The following FIGN variants were observed in gnomAD, a reference collection of about 807,000 sequenced individuals.
The protein encoded by FIGN is fidgetin, microtubule severing factor.
FIGN carries 11 observed loss-of-function variants against 51.3 expected under a neutral mutation model. That is an observed-to-expected ratio of 0.21 (90% CI 0.13 to 0.35). The LOEUF (loss-of-function observed/expected upper bound fraction) is 0.35, where lower values mean the gene tolerates loss of function less well. Ranked by LOEUF, FIGN falls within the 10% of genes least tolerant of loss-of-function variation. The probability of loss-of-function intolerance (pLI) is 1.00; values close to 1 mark genes in which losing one functional copy is unlikely to be tolerated. For missense variants in FIGN, 857 were observed against 943.6 expected (o/e 0.91, Z 1.20); for synonymous variants, 407 against 363.2 (o/e 1.12, Z -1.37).
At chr2:163,695,066 C>T (rs866322743) in intron 2 of FIGN, among the ~76,000 whole-genome samples, 1 of 138,302 alleles carries the variant, frequency 7.2e-6, no homozygotes, top group Non-Finnish European at 1.6e-5. Context: ...GTTTTGAGCT[C>T]GGTGTCTCTG....
intron 2 of FIGN, among the ~76,000 whole-genome samples, chr2:163,660,632 C>T (rs1294871812): frequency 2.1e-5 from 3 of 144,438 alleles, no homozygotes; most frequent in Non-Finnish European, 4.5e-5. Context: ...GTTAACAGCC[C>T]AAGACTGAAA....
chr2:163,662,388 C>G (rs1275584448), intron 2 of FIGN, among the ~76,000 whole-genome samples: 3 of 152,138 alleles, frequency 2.0e-5, no homozygotes, highest in Non-Finnish European at 4.4e-5. Flanking sequence ...AAAAGGGAAA[C>G]AGCATAAAAG....
At chr2:163,629,642 C>G (rs1683113231) in intron 2 of FIGN, among the ~76,000 whole-genome samples, 1 of 152,074 alleles carries the variant, frequency 6.6e-6, no homozygotes, top group African/African-American at 2.4e-5. Flanking sequence ...TATTGGAACA[C>G]AGCCACACCC....
intron 2 of FIGN, among the ~76,000 whole-genome samples, chr2:163,732,499 CT>C (rs879394973): frequency 2.7e-4 from 41 of 152,194 alleles, no homozygotes; most frequent in African/African-American, 9.4e-4. Context: ...AATAATTTTC[CT>C]TTTGAACAAT....
chr2:163,645,373 G>GA (rs1683366713), intron 2 of FIGN, among the ~76,000 whole-genome samples: 1 of 152,110 alleles, frequency 6.6e-6, no homozygotes, highest in Non-Finnish European at 1.5e-5. Context: ...TAGAATGGGG[G>GA]AAAAACCTCT....
At chr2:163,702,555 G>C (rs982066452) in intron 2 of FIGN, among the ~76,000 whole-genome samples, 3 of 151,914 alleles carry the variant, frequency 2.0e-5, no homozygotes, top group Non-Finnish European at 4.4e-5. Context: ...AGAAAGTTAT[G>C]GTTGTAGCTC....
At chr2:163,645,471 C>T (rs749785908) in intron 2 of FIGN, among the ~76,000 whole-genome samples, 1 of 152,138 alleles carries the variant, frequency 6.6e-6, no homozygotes, top group Non-Finnish European at 1.5e-5. Context: ...TTACTGAAAG[C>T]AGCCCAGTAA....
rs186817685 is a variant in FIGN at position 163,620,971 on chromosome 2, G to A, written c.26-9165C>T. Among the ~76,000 whole-genome samples, 88 of 151,174 alleles carry A rather than the reference G, an allele frequency of 5.8e-4. 1 individual carries two copies. The East Asian group carries it at 7.2e-3, about 12-fold the overall frequency. On this transcript the variant is annotated intron_variant, in intron 2 of 2. Transcript: ENST00000333129. The stretch of plus-strand genomic sequence containing the variant: ...TTGCCCAACACACCAAGCTGAAAAC[G>A]GTCAATAAACAAATTAAGAAATCTT...
At chr2:163,619,487 T>C (rs748967418) in intron 2 of FIGN, among the ~76,000 whole-genome samples, 60 of 152,150 alleles carry the variant, frequency 3.9e-4, no homozygotes, top group African/African-American at 1.4e-3. Flanking sequence ...TTCTCTACAA[T>C]GCATTAAATT....
intron 2 of FIGN, among the ~76,000 whole-genome samples, chr2:163,718,838 A>AGC (rs141961555): frequency 0.34 from 50,732 of 148,662 alleles, 9,166 homozygotes; most frequent in African/African-American, 0.48. Flanking sequence ...AGACAGAGAG[A>AGC]GTGAGAGAGA....
At chr2:163,735,177 C>G (rs1262628639) in intron 1 of FIGN, 105 bp from the exon 2 acceptor site, 1 of 498,286 alleles carries the variant, frequency 2.0e-6, no homozygotes, top group Non-Finnish European at 3.6e-6. Flanking sequence ...GAATGCAAGT[C>G]CATGTCAATT....
At chr2:163,646,145 T>C (rs1683377824) in intron 2 of FIGN, among the ~76,000 whole-genome samples, 1 of 152,158 alleles carries the variant, frequency 6.6e-6, no homozygotes, top group Non-Finnish European at 1.5e-5. Context: ...TCAAGAGCAA[T>C]TTAAGTTGAA....
At chr2:163,718,838 A>C (rs1034532434) in intron 2 of FIGN, among the ~76,000 whole-genome samples, 1 of 148,766 alleles carries the variant, frequency 6.7e-6, no homozygotes, top group Non-Finnish European at 1.5e-5. Context: ...AGACAGAGAG[A>C]GTGAGAGAGA....
intron 2 of FIGN, among the ~76,000 whole-genome samples, chr2:163,730,750 T>C (rs1490147113): frequency 6.6e-6 from 1 of 152,214 alleles, no homozygotes; most frequent in Non-Finnish European, 1.5e-5. Context: ...ACAGCAGATA[T>C]GCTGATTAAT....
At chr2:163,707,932 AAGATTGT>A (rs1684527280) in intron 2 of FIGN, among the ~76,000 whole-genome samples, 1 of 152,200 alleles carries the variant, frequency 6.6e-6, no homozygotes, top group Non-Finnish European at 1.5e-5. Flanking sequence ...ATTTATATTT[AAGATTGT>A]TTACATAACT....
chr2:163,708,799 C>T (rs925282030), intron 2 of FIGN, among the ~76,000 whole-genome samples: 1 of 152,064 alleles, frequency 6.6e-6, no homozygotes, highest in Non-Finnish European at 1.5e-5. Flanking sequence ...ACAAGGTAGA[C>T]ACAGGAGTCT....
rs1474794591 is a variant in FIGN at position 163,607,175 on chromosome 2, C to T, written c.*2377G>A. ...CTAAAAGTCAGAAAATAGGTCAGCA[C>T]TGTGCAAAAGTAAACTTGTCAGTGA... On this transcript the variant is annotated 3_prime_UTR_variant, in exon 3 of 3. Coordinates refer to ENST00000333129, the MANE Select transcript of FIGN (RefSeq NM_018086.4). 1 of 152,172 alleles carries T rather than the reference C, an allele frequency of 6.6e-6. No homozygotes were observed. Among genetic ancestry groups the T allele is most frequent in the Non-Finnish European group, 1.5e-5 (1 of 68,042 alleles). 9.4% of individuals were successfully genotyped at this position (152,172 alleles called of 1,614,324 possible).
intron 2 of FIGN, among the ~76,000 whole-genome samples, chr2:163,675,706 CTTTTTTT>C (rs900840520): frequency 1.2e-3 from 116 of 100,514 alleles, no homozygotes; most frequent in South Asian, 4.8e-3. Context: ...TTCTTTCTTT[CTTTTTTT>C]TTTTTTTTTT....
intron 2 of FIGN, among the ~76,000 whole-genome samples, chr2:163,671,380 A>T (rs763292839): frequency 1.4e-4 from 22 of 152,178 alleles, no homozygotes; most frequent in Non-Finnish European, 2.8e-4. Flanking sequence ...AAAGGGACTC[A>T]CGATCATGGA....
Sources: gnomAD v4.1 joint callset for allele counts (sites outside exome capture counted in the v4.1 genomes callset) on GRCh38, gnomAD v4.1.1 for gene constraint, MANE v1.5 for transcripts, NCBI Gene and HGNC (gene_info 2026-07-23, HGNC 2026-07-21) for gene names.